Variants in SLC14A2 observed in about 807,000 individuals in gnomAD.
SLC14A2 encodes the protein solute carrier family 14 member 2.
SLC14A2 carries 91 observed loss-of-function variants against 104.6 expected under a neutral mutation model. That is an observed-to-expected ratio of 0.87 (90% confidence interval 0.73 to 1.04). The LOEUF is 1.04. Ranked by LOEUF, SLC14A2 falls within the 50% of genes least tolerant of loss-of-function variation. The pLI, the probability that SLC14A2 is intolerant of heterozygous loss-of-function variation, is 0.00. For synonymous variants in SLC14A2, 476 were observed against 466.4 expected (o/e 1.02, Z -0.27); for missense variants, 1,189 against 1,156.0 (o/e 1.03, Z -0.41).
chr18:45,533,630 TG>T lies in SLC14A2; in HGVS notation c.-35+50309del, dbSNP rs2043735670. Among the ~76,000 whole-genome samples, 6 of 152,356 alleles carry T rather than the reference TG, an allele frequency of 3.9e-5. No individual in the cohort carries two copies. In the South Asian group the frequency reaches 1.2e-3, roughly 32 times the overall value. On this transcript the variant is annotated intron_variant, in intron 2 of 20. Transcript: ENST00000586448. ...CTTGCTAGTGGTCTATCAATTTTGC[TG>T]ATCTTTTCACAAAACCAGCTCCTGG...
chr18:45,446,469 A>T (rs28701885), intron 1 of SLC14A2, among the ~76,000 whole-genome samples: 2,324 of 152,338 alleles, frequency 0.015, 56 homozygotes, highest in African/African-American at 0.053. Flanking sequence ...CAAAGACCCA[A>T]CAATGCTGGC....
intron 2 of SLC14A2, among the ~76,000 whole-genome samples, chr18:45,557,312 T>A (rs2044146094): frequency 6.6e-6 from 1 of 152,236 alleles, no homozygotes. Flanking sequence ...TTCCCTCTAG[T>A]CCCTGCCATG....
the SLC14A2 span, among the ~76,000 whole-genome samples, chr18:45,185,006 T>C: frequency 6.6e-6 from 1 of 152,186 alleles, no homozygotes; most frequent in Non-Finnish European, 1.5e-5. Flanking sequence ...TGTGCTAGTA[T>C]TTTATTGGAA....
rs960033338 is a variant in SLC14A2 at position 45,644,081 on chromosome 18, C to T, written c.1272C>T (p.Leu424=). ...ACCCAGCCATCTTCAGACTCCCACT[C>T]AGCAAAGTCACCTACCCCGAGGCCA... is the stretch of plus-strand genomic sequence containing the variant. ...TNNPAIFRLP[L]SKVTYPEANR... is the part of the protein sequence containing the mutation. The change falls in exon 10 of 20, where the codon CTC becomes CTT. Residue 424 remains leucine, a synonymous_variant. Coordinates refer to ENST00000255226, the MANE Select transcript of SLC14A2 (RefSeq NM_007163.4). The T allele has an allele frequency of 6.2e-7, 1 of 1,614,112 alleles. No individual in the cohort carries two copies. The highest frequency in any genetic ancestry group is 1.1e-5 in the South Asian group (1 of 91,088).
intron 2 of SLC14A2, among the ~76,000 whole-genome samples, chr18:45,539,227 G>A (rs1015988674): frequency 9.1e-6 from 1 of 110,214 alleles, no homozygotes; most frequent in Non-Finnish European, 2.0e-5. Context: ...CTAAAGTGAT[G>A]GCTTCTGGAA....
chr18:45,664,250 T>G (rs1462525977), intron 11 of SLC14A2, among the ~76,000 whole-genome samples: 1 of 152,172 alleles, frequency 6.6e-6, no homozygotes, highest in Non-Finnish European at 1.5e-5. Flanking sequence ...GAGATTCTAA[T>G]TTGCCAGCAA....
At chr18:45,261,167 C>T (rs77806563) in intron 1 of SLC14A2, among the ~76,000 whole-genome samples, 3 of 151,306 alleles carry the variant, frequency 2.0e-5, no homozygotes, top group Admixed American at 2.0e-4. Context: ...TCCCCCCTGC[C>T]CCCACCCCAC....
At chr18:45,678,697 T>C (rs1036890379) in intron 18 of SLC14A2, among the ~76,000 whole-genome samples, 4 of 152,238 alleles carry the variant, frequency 2.6e-5, no homozygotes, top group Admixed American at 6.5e-5. Context: ...TAAATGTTCC[T>C]TTACTGGAAT....
In SLC14A2 at chr18:45,667,015, G is replaced by A. The variant is rs201801720; in HGVS notation, c.1638G>A (p.Met546Ile). Reference protein sequence around the residue: ...ISKTSWIRSSMAASGKRVSKA... With the variant: ...ISKTSWIRSSIAASGKRVSKA... ...AGACATCCTGGATTCGGAGTTCCAT[G>A]GCTGCCAGTGGGAAAAGGGTCAGCA... is the stretch of plus-strand genomic sequence containing the variant. The change falls in exon 13 of 20, where the codon ATG becomes ATA. Residue 546 changes from methionine to isoleucine, a missense_variant. Coordinates refer to ENST00000255226, the MANE Select transcript of SLC14A2 (RefSeq NM_007163.4). 2.5e-5 allele frequency: 40 copies of A among 1,613,924 alleles called. No homozygotes were observed. The highest frequency in any genetic ancestry group is 6.7e-5 in the Admixed American group (4 of 60,026).
chr18:45,334,395 C>T (rs1444392590), intron 1 of SLC14A2, among the ~76,000 whole-genome samples: 2 of 152,184 alleles, frequency 1.3e-5, no homozygotes, highest in African/African-American at 4.8e-5. Context: ...GTGACAGCCA[C>T]ATATATTCCT....
chr18:45,210,160 C>T (rs1456183096), upstream of SLC14A2, among the ~76,000 whole-genome samples: 1 of 152,140 alleles, frequency 6.6e-6, no homozygotes, highest in Non-Finnish European at 1.5e-5. Context: ...ACAGAAACAT[C>T]CAGGATAGAA....
At chr18:45,486,915 A>G (rs921113881) in intron 2 of SLC14A2, among the ~76,000 whole-genome samples, 1 of 152,232 alleles carries the variant, frequency 6.6e-6, no homozygotes, top group African/African-American at 2.4e-5. Flanking sequence ...TACAGGTGAG[A>G]AAATTAAGGC....
intron 1 of SLC14A2, among the ~76,000 whole-genome samples, chr18:45,470,086 C>CT (rs1392701239): frequency 2.0e-5 from 3 of 152,108 alleles, no homozygotes; most frequent in Non-Finnish European, 4.4e-5. Context: ...CATCTCCTGC[C>CT]TTTTGTTTTT....
intron 1 of SLC14A2, among the ~76,000 whole-genome samples, chr18:45,444,965 T>A (rs1286766186): frequency 6.6e-6 from 1 of 152,160 alleles, no homozygotes; most frequent in East Asian, 1.9e-4. Flanking sequence ...TGGTACCAAG[T>A]AATGTGCTTC....
chr18:45,675,709 A>ATATATATATATATT (rs57989993), intron 18 of SLC14A2, among the ~76,000 whole-genome samples: 1 of 78,396 alleles, frequency 1.3e-5, no homozygotes, highest in African/African-American at 4.9e-5. Context: ...ATATATATAT[A>ATATATATATATATT]TTTTTTTTTT....
In SLC14A2 at chr18:45,317,946, GCTTTGGAGCCCCAC is replaced by G. The variant is rs1241513447; in HGVS notation, c.-125+104774_-125+104787del. 5.9e-5 allele frequency among the ~76,000 whole-genome samples: 9 copies of G among 152,138 alleles called. No individual in the cohort carries two copies. In the South Asian group the frequency reaches 8.3e-4, roughly 14 times the overall value. ...ATGCTTCATGAGCCCCACCTCAAGAGCTTTGGAGCCCCACCTTTGGAGCCCCACCTTTCCTTTGG... is the reference window on the plus strand; with the variant it reads ...ATGCTTCATGAGCCCCACCTCAAGAGCTTTGGAGCCCCACCTTTCCTTTGG... On this transcript the variant is annotated intron_variant, in intron 1 of 20. Transcript: ENST00000586448.
intron 1 of SLC14A2, among the ~76,000 whole-genome samples, chr18:45,616,032 G>A (rs1336472691): frequency 6.6e-6 from 1 of 152,168 alleles, no homozygotes; most frequent in Non-Finnish European, 1.5e-5. Context: ...CTGAATTGGA[G>A]GTAGCTGTGG....
At chr18:45,457,311 A>G (rs1327017547) in intron 1 of SLC14A2, among the ~76,000 whole-genome samples, 2 of 152,096 alleles carry the variant, frequency 1.3e-5, no homozygotes, top group Non-Finnish European at 2.9e-5. Flanking sequence ...CCCCCCTACC[A>G]TCCCAGACGT....
At chr18:45,388,216 A>G (rs1396391016) in intron 1 of SLC14A2, among the ~76,000 whole-genome samples, 1 of 151,480 alleles carries the variant, frequency 6.6e-6, no homozygotes, top group East Asian at 1.9e-4. Flanking sequence ...GTGCCTGCCA[A>G]CACGCCCGGC....
Sources: gnomAD v4.1 joint callset for allele counts (sites outside exome capture counted in the v4.1 genomes callset) on GRCh38, gnomAD v4.1.1 for gene constraint, MANE v1.5 for transcripts, NCBI Gene and HGNC (gene_info 2026-07-23, HGNC 2026-07-21) for gene names.